The following GDPD5 variants were observed in gnomAD, a reference collection of about 807,000 sequenced individuals.
GDPD5 encodes glycerophosphodiester phosphodiesterase 2.
GDPD5 carries 48 observed loss-of-function variants against 75.1 expected under a neutral mutation model. The observed-to-expected ratio is 0.64, with a 90% CI of 0.51 to 0.81. The LOEUF is 0.81. Among genes scored for constraint, GDPD5 ranks in the 40% least tolerant of loss-of-function variants. The pLI is 0.00. For synonymous variants in GDPD5, 336 were observed against 339.0 expected (o/e 0.99, Z 0.10); for missense variants, 706 against 822.6 (o/e 0.86, Z 1.73).
intron 9 of GDPD5, chr11:75,448,525 G>C (rs767899597): frequency 4.5e-5 from 44 of 987,544 alleles, no homozygotes; most frequent in Admixed American, 6.1e-5. Context: ...GAGTGCACTG[G>C]TGGCAGAATG....
chr11:75,441,388 T>C, intron 13 of GDPD5, 78 bp from the exon 14 acceptor site: 1 of 1,559,364 alleles, frequency 6.4e-7, no homozygotes, highest in Non-Finnish European at 8.8e-7. Context: ...GTAAAGCACG[T>C]CCTGTTCACG....
intron 1 of GDPD5, among the ~76,000 whole-genome samples, chr11:75,523,317 C>A (rs1262271493): frequency 6.6e-6 from 1 of 152,204 alleles, no homozygotes; most frequent in East Asian, 1.9e-4. Context: ...TACTGTGGCT[C>A]GAGGCTGCCG....
intron 1 of GDPD5, among the ~76,000 whole-genome samples, chr11:75,496,783 T>C (rs11236442): frequency 0.028 from 627 of 22,240 alleles, no homozygotes; most frequent in African/African-American, 0.048. Context: ...TTCTTTCTTT[T>C]TTTTTTTTTT....
In GDPD5 at chr11:75,513,807, C is replaced by T. The variant is rs547120603; in HGVS notation, c.-145+11403G>A. ...GGTTCCCCTGGCACCCATAGGGCCT[C>T]CTCCTAGACCAGGAGACCACCTGGC... On this transcript the variant is annotated intron_variant, in intron 1 of 16. Coordinates refer to ENST00000336898, the MANE Select transcript of GDPD5 (RefSeq NM_030792.8). Among the ~76,000 whole-genome samples the T allele has an allele frequency of 1.4e-4, 22 of 152,352 alleles. No individual in the cohort carries two copies. The East Asian group carries it at 3.9e-3, about 27-fold the overall frequency.
At chr11:75,492,855 C>A (rs1950134439) in intron 1 of GDPD5, among the ~76,000 whole-genome samples, 1 of 152,120 alleles carries the variant, frequency 6.6e-6, no homozygotes, top group East Asian at 1.9e-4. Flanking sequence ...GCCTCAGCCT[C>A]CCGAGTAGCT....
At chr11:75,455,481 C>T (rs1160976944) in intron 6 of GDPD5, 4 of 412,844 alleles carry the variant, frequency 9.7e-6, no homozygotes, top group South Asian at 1.7e-5. Flanking sequence ...AAACCGGCCT[C>T]GGTGCCTCCC....
chr11:75,486,744 G>A (rs887372768), intron 2 of GDPD5, among the ~76,000 whole-genome samples: 1 of 152,180 alleles, frequency 6.6e-6, no homozygotes, highest in African/African-American at 2.4e-5. Flanking sequence ...TCCTGACTGG[G>A]TCACTATCTC....
intron 1 of GDPD5, chr11:75,492,335 C>G (rs757034538): frequency 2.0e-5 from 3 of 152,288 alleles, no homozygotes; most frequent in Non-Finnish European, 2.9e-5. Context: ...TCTGGCTCCA[C>G]CCCCACCTTG....
At chr11:75,474,559 C>T (rs1445547843) in intron 3 of GDPD5, among the ~76,000 whole-genome samples, 1 of 152,176 alleles carries the variant, frequency 6.6e-6, no homozygotes, top group Admixed American at 6.5e-5. Flanking sequence ...GCCATTTCAC[C>T]TCTCTGGTCC....
At chr11:75,438,881 AG>A (rs1432376251) in intron 15 of GDPD5, 2 of 173,474 alleles carry the variant, frequency 1.2e-5, no homozygotes, top group Non-Finnish European at 2.5e-5. Context: ...AGGCAGAGAA[AG>A]GTAAACAGGA....
At chr11:75,458,047 G>A (rs958721801) in intron 4 of GDPD5, among the ~76,000 whole-genome samples, 3 of 152,206 alleles carry the variant, frequency 2.0e-5, no homozygotes, top group Non-Finnish European at 4.4e-5. Flanking sequence ...AGGCTGTGCT[G>A]GATCTTCCTC....
chr11:75,471,974 G>A (rs1303644925), intron 3 of GDPD5, among the ~76,000 whole-genome samples: 4 of 152,158 alleles, frequency 2.6e-5, no homozygotes, highest in Non-Finnish European at 5.9e-5. Context: ...AAAGCTCAGA[G>A]GGCCTCTCTC....
Position 75,514,986 on chromosome 11 carries a change from CCCATGTCTTCTAAGTT to C in GDPD5, c.-145+10208_-145+10223del, listed in dbSNP as rs533871790. Among the ~76,000 whole-genome samples the C allele has an allele frequency of 3.0e-4, 45 of 152,316 alleles. No individual in the cohort carries two copies. The East Asian group carries it at 8.1e-3, about 27-fold the overall frequency. On this transcript the variant is annotated intron_variant, in intron 1 of 16. Coordinates refer to ENST00000336898, the MANE Select transcript of GDPD5 (RefSeq NM_030792.8). ...AGGCTCAGAGAGGCTAAGTGACTTG[CCCATGTCTTCTAAGTT>C]CCACTCAAGAGAGGCAGAGCCAGGA... is the stretch of plus-strand genomic sequence containing the variant.
At chr11:75,484,145 G>A (rs538540716) in intron 2 of GDPD5, among the ~76,000 whole-genome samples, 20 of 152,284 alleles carry the variant, frequency 1.3e-4, no homozygotes, top group African/African-American at 3.4e-4. Context: ...CTGAGATGGC[G>A]CCACTGCACT....
intron 1 of GDPD5, among the ~76,000 whole-genome samples, chr11:75,509,652 G>A (rs12417071): frequency 0.045 from 6,927 of 152,244 alleles, 222 homozygotes; most frequent in South Asian, 0.11. Flanking sequence ...ACAAGAAGGC[G>A]GAGGCTCAGA....
intron 7 of GDPD5, 86 bp from the exon 8 acceptor site, chr11:75,449,696 G>A: frequency 7.0e-7 from 1 of 1,420,626 alleles, no homozygotes; most frequent in South Asian, 1.2e-5. Context: ...CTACCTATGA[G>A]GCAGGCAACC....
intron 1 of GDPD5, among the ~76,000 whole-genome samples, chr11:75,496,456 C>T (rs548618211): frequency 3.2e-4 from 48 of 152,336 alleles, no homozygotes; most frequent in African/African-American, 1.1e-3. Flanking sequence ...GAAGGCAGGT[C>T]AACATCTTCC....
chr11:75,441,607 C>T (rs1457453048), intron 13 of GDPD5, 39 bp downstream of exon 13: 2 of 1,518,340 alleles, frequency 1.3e-6, no homozygotes, highest in South Asian at 1.2e-5. Flanking sequence ...GAGACTCAGT[C>T]CCACCCTCTC....
At chr11:75,502,998 T>C (rs1950325355) in intron 1 of GDPD5, among the ~76,000 whole-genome samples, 1 of 152,232 alleles carries the variant, frequency 6.6e-6, no homozygotes, top group Non-Finnish European at 1.5e-5. Context: ...ATTCCTGGCC[T>C]ACAGAAACTG....
Sources: gnomAD v4.1 joint callset for allele counts (sites outside exome capture counted in the v4.1 genomes callset) on GRCh38, gnomAD v4.1.1 for gene constraint, MANE v1.5 for transcripts, NCBI Gene and HGNC (gene_info 2026-07-23, HGNC 2026-07-21) for gene names.